The following DRC11 variants were observed in gnomAD, a reference collection of about 807,000 sequenced individuals.
DRC11 encodes IQ and AAA domain-containing protein 1.
At chr2:236,331,310 C>A in the DRC11 span, 2 of 1,291,130 alleles carry the variant, frequency 1.5e-6, no homozygotes, top group Non-Finnish European at 2.3e-6. This position sits in a 1 kb window ranked among gnomAD's most constrained non-coding sequence, Gnocchi z 4.8. Flanking sequence ...GAGGAGGCAG[C>A]GTGAGGAGTG....
the DRC11 span, among the ~76,000 whole-genome samples, chr2:236,345,053 G>A: frequency 2.5e-4 from 33 of 131,416 alleles, no homozygotes; most frequent in South Asian, 4.8e-4. Flanking sequence ...GGTGTGCAGA[G>A]CCCTGGCTGT....
At chr2:236,357,023 CTATATATT>C in the DRC11 span, among the ~76,000 whole-genome samples, 989 of 109,886 alleles carry the variant, frequency 9.0e-3, 58 homozygotes, top group Middle Eastern at 0.026. Flanking sequence ...TATTATATAT[CTATATATT>C]TATATATTCA....
chr2:236,422,540 T>G, the DRC11 span, among the ~76,000 whole-genome samples: 4 of 151,980 alleles, frequency 2.6e-5, no homozygotes, highest in South Asian at 2.1e-4. Flanking sequence ...CACTGCTCAA[T>G]GAAATAAAAG....
the DRC11 span, among the ~76,000 whole-genome samples, chr2:236,356,352 C>T: frequency 2.0e-5 from 3 of 152,162 alleles, no homozygotes; most frequent in African/African-American, 7.2e-5. Context: ...GGATGGCCTT[C>T]AGTTGCTTCA....
chr2:236,393,152 A>C, the DRC11 span, among the ~76,000 whole-genome samples: 1 of 152,178 alleles, frequency 6.6e-6, no homozygotes, highest in African/African-American at 2.4e-5. This position sits in a 1 kb window ranked among gnomAD's most constrained non-coding sequence, Gnocchi z 4.7. Flanking sequence ...TCTTTCTGGA[A>C]TCTATGTCGA....
At chr2:236,468,492 A>T in the DRC11 span, among the ~76,000 whole-genome samples, 1 of 152,246 alleles carries the variant, frequency 6.6e-6, no homozygotes, top group African/African-American at 2.4e-5. Flanking sequence ...GAATCATTTT[A>T]AAGAACAATG....
chr2:236,347,508 C>CTCTATATATATATATATATATATATA, the DRC11 span, among the ~76,000 whole-genome samples: 424 of 107,402 alleles, frequency 3.9e-3, 28 homozygotes, highest in Non-Finnish European at 7.0e-3. Context: ...AAAAACTGTG[C>CTCTATATATATATATATATATATATA]TATATATATA....
the DRC11 span, chr2:236,408,705 T>C: frequency 8.4e-6 from 6 of 714,026 alleles, no homozygotes; most frequent in East Asian, 1.0e-4. This position sits in a 1 kb window ranked among gnomAD's most constrained non-coding sequence, Gnocchi z 5.5. Flanking sequence ...CTTAGATTTA[T>C]GCCAGTTGTT....
At chr2:236,441,783 A>T in the DRC11 span, among the ~76,000 whole-genome samples, 382 of 152,316 alleles carry the variant, frequency 2.5e-3, no homozygotes, top group Non-Finnish European at 4.2e-3. Context: ...AGAAGTACAG[A>T]ATCTGAGGTT....
At chr2:236,469,084 T>G in the DRC11 span, among the ~76,000 whole-genome samples, 3 of 152,316 alleles carry the variant, frequency 2.0e-5, no homozygotes, top group East Asian at 5.8e-4. The surrounding 1 kb of genome is among the most constrained non-coding windows in gnomAD (Gnocchi z 5.8). Context: ...AATCCATGAG[T>G]GCAACAAAAC....
chr2:236,399,537 A>G, the DRC11 span: 1 of 1,462,050 alleles, frequency 6.8e-7, no homozygotes, highest in Non-Finnish European at 9.6e-7. The surrounding 1 kb of genome is among the most constrained non-coding windows in gnomAD (Gnocchi z 7.0). Context: ...ACCGGGCAGC[A>G]AAAGACGCAG....
chr2:236,329,940 C>G, the DRC11 span, among the ~76,000 whole-genome samples: 1 of 152,080 alleles, frequency 6.6e-6, no homozygotes, highest in African/African-American at 2.4e-5. Context: ...GATAGAAAAA[C>G]TTCTAGAGAT....
the DRC11 span, among the ~76,000 whole-genome samples, chr2:236,358,148 G>C: frequency 8.4e-6 from 1 of 118,486 alleles, no homozygotes; most frequent in Non-Finnish European, 1.6e-5. Context: ...TATATAAATA[G>C]ATATATACTA....
chr2:236,406,814 C>T, the DRC11 span, among the ~76,000 whole-genome samples: 6 of 151,408 alleles, frequency 4.0e-5, no homozygotes, highest in South Asian at 2.1e-4. The surrounding 1 kb of genome is among the most constrained non-coding windows in gnomAD (Gnocchi z 4.7). Flanking sequence ...AGCACAATCT[C>T]GGCTCACTGC....
the DRC11 span, among the ~76,000 whole-genome samples, chr2:236,416,733 A>ATATATATATATATT: frequency 2.1e-5 from 1 of 46,850 alleles, no homozygotes; most frequent in Non-Finnish European, 4.3e-5. Context: ...ATATATATAT[A>ATATATATATATATT]TATATATATA....
the DRC11 span, among the ~76,000 whole-genome samples, chr2:236,378,110 T>C: frequency 6.6e-6 from 1 of 152,210 alleles, no homozygotes; most frequent in African/African-American, 2.4e-5. Flanking sequence ...CCAAGCCAAA[T>C]ACTATTCGGG....
chr2:236,388,118 G>A, the DRC11 span, among the ~76,000 whole-genome samples: 1 of 152,062 alleles, frequency 6.6e-6, no homozygotes, highest in East Asian at 1.9e-4. Context: ...TTCAACTTTG[G>A]TGAATCTCAC....
At chr2:236,312,833 CA>C in the DRC11 span, among the ~76,000 whole-genome samples, 2 of 151,742 alleles carry the variant, frequency 1.3e-5, no homozygotes, top group Non-Finnish European at 2.9e-5. Context: ...AGAAAAGGCA[CA>C]AAAAACTAAC....
chr2:236,380,598 T>C, the DRC11 span: 5 of 1,551,652 alleles, frequency 3.2e-6, no homozygotes, highest in Admixed American at 5.9e-5. This position sits in a 1 kb window ranked among gnomAD's most constrained non-coding sequence, Gnocchi z 4.9. Context: ...TATCCTTCTT[T>C]GCCTTCTTCT....
Sources: gnomAD v4.1 joint callset for allele counts (sites outside exome capture counted in the v4.1 genomes callset) on GRCh38, gnomAD v4.1.1 for gene constraint, Gnocchi (gnomAD v3.1) non-coding constraint, MANE v1.5 for transcripts, NCBI Gene and HGNC (gene_info 2026-07-23, HGNC 2026-07-21) for gene names.